Variants in PAPPA2 observed in about 807,000 individuals in gnomAD.
PAPPA2 encodes the protein pappalysin 2.
A neutral mutation model predicts 176.4 loss-of-function variants in PAPPA2; 86 were observed. The observed-to-expected ratio is 0.49, with a 90% CI of 0.41 to 0.58. PAPPA2 has a LOEUF of 0.58. Ranked by LOEUF, PAPPA2 falls within the 20% of genes least tolerant of loss-of-function variation. The pLI is 0.00. For synonymous variants in PAPPA2, 809 were observed against 852.2 expected, an observed-to-expected ratio of 0.95 and a Z score of 0.88; for missense variants, 2,073 against 2,256.9, an observed-to-expected ratio of 0.92 and a Z score of 1.65.
chr1:176,657,431 A>G (rs1658094564), intron 3 of PAPPA2, among the ~76,000 whole-genome samples: 1 of 151,990 alleles, frequency 6.6e-6, no homozygotes, highest in Non-Finnish European at 1.5e-5. Context: ...TAAAGCAGAG[A>G]AGGAACATGA....
chr1:176,747,203 A>T (rs1027849074), intron 14 of PAPPA2, among the ~76,000 whole-genome samples: 1 of 152,192 alleles, frequency 6.6e-6, no homozygotes, highest in Non-Finnish European at 1.5e-5. Context: ...CAAAAGTTTA[A>T]CTAGCCCTGG....
chr1:176,661,570 C>T (rs1206516539), intron 3 of PAPPA2, among the ~76,000 whole-genome samples: 3 of 150,318 alleles, frequency 2.0e-5, no homozygotes, highest in Non-Finnish European at 3.0e-5. Context: ...GGGTTTGCCC[C>T]GTAGCTTGTT....
Position 176,789,945 on chromosome 1 carries a change from T to C in PAPPA2, c.4852T>C (p.Cys1618Arg). 6.2e-7 allele frequency: 1 copy of C among 1,614,154 alleles called. No individual in the cohort carries two copies. The highest frequency in any genetic ancestry group is 2.2e-5 in the East Asian group (1 of 44,884). The change falls in exon 18 of 23, where the codon TGT becomes CGT. Residue 1618 changes from cysteine (C) to arginine (R), a missense_variant. Physicochemically the swap from Cys to Arg is radical, Grantham distance 180. Around this residue, in one of 4 missense-constraint regions of PAPPA2, gnomAD observed 846 missense variants for 857.9 expected, o/e 0.99. Coordinates refer to ENST00000367662, the MANE Select transcript of PAPPA2 (RefSeq NM_020318.3). Reference sequence around the variant, plus strand: ...CAATGGCTTCAGCCTGGACAGCCAGTGTGTGCTCAACTGTAACCAGGAACG... The same window carrying C: ...CAATGGCTTCAGCCTGGACAGCCAGCGTGTGCTCAACTGTAACCAGGAACG... ...CTNGFSLDSQ[C>R]VLNCNQEREK...
In PAPPA2 at chr1:176,710,028, A is replaced by G; in HGVS notation, c.3503A>G (p.Glu1168Gly). The G allele has an allele frequency of 5.0e-6, 8 of 1,613,552 alleles. No homozygotes were observed. The highest frequency in any genetic ancestry group is 6.8e-6 in the Non-Finnish European group (8 of 1,179,642). The change falls in exon 11 of 23, where the codon GAA becomes GGA. Residue 1168 changes from glutamate to glycine, a missense_variant. By Grantham distance (98) the Glu-to-Gly change is moderately conservative (BLOSUM62 -2). Around this residue, in one of 4 missense-constraint regions of PAPPA2, gnomAD observed 846 missense variants for 857.9 expected, o/e 0.99. Transcript: ENST00000367662. ...CYMYEGDGIC[E>G]PFERKTSIVD... ...ATGTATGAGGGAGATGGCATATGTG[A>G]ACCTTTTGAGAGAAAAACCAGCATT...
In PAPPA2 at chr1:176,701,051, TACAC is replaced by T. The variant is rs374838543; in HGVS notation, c.3236+1486_3236+1489del. On this transcript the variant is annotated intron_variant, in intron 8 of 22. Transcript: ENST00000367662. The stretch of plus-strand genomic sequence containing the variant: ...ATCTAATTTGCTACACACACACACA[TACAC>T]ACACACACACACACACACACACATG... Among the ~76,000 whole-genome samples, 377 of 148,330 alleles carry T rather than the reference TACAC, an allele frequency of 2.5e-3. 2 individuals are homozygous for T. The highest frequency in any genetic ancestry group is 0.014 in the Middle Eastern group (4 of 290).
intron 22 of PAPPA2, 86 bp from the exon 23 acceptor site, chr1:176,842,294 G>A (rs1386270363): frequency 2.4e-6 from 3 of 1,244,726 alleles, no homozygotes; most frequent in Non-Finnish European, 3.5e-6. Context: ...GTTCCTCTGG[G>A]ACCAAGTGAG....
At chr1:176,696,013 T>G (rs1251739105) in intron 7 of PAPPA2, among the ~76,000 whole-genome samples, 154 bp downstream of exon 7, 1 of 149,900 alleles carries the variant, frequency 6.7e-6, no homozygotes, top group African/African-American at 2.5e-5. Flanking sequence ...TGTGTTTTGC[T>G]GGATATCTTT....
At chr1:176,680,328 CTG>C (rs1438013637) in intron 4 of PAPPA2, among the ~76,000 whole-genome samples, 1 of 151,830 alleles carries the variant, frequency 6.6e-6, no homozygotes, top group Admixed American at 6.6e-5. Flanking sequence ...TTTTTTGTCT[CTG>C]TAAATTTGTG....
At chr1:176,569,391 A>G (rs1036956247) in intron 2 of PAPPA2, among the ~76,000 whole-genome samples, 4 of 152,148 alleles carry the variant, frequency 2.6e-5, no homozygotes, top group Non-Finnish European at 5.9e-5. Flanking sequence ...TTAACCCCCT[A>G]GATTTTTAGT....
chr1:176,574,857 C>A (rs1484682890), intron 2 of PAPPA2, among the ~76,000 whole-genome samples: 1 of 152,160 alleles, frequency 6.6e-6, no homozygotes. Context: ...TACACAAATA[C>A]CATTTGTTTT....
chr1:176,695,932 T>C (rs917976012), intron 7 of PAPPA2, 73 bp downstream of exon 7: 1 of 1,571,404 alleles, frequency 6.4e-7, no homozygotes, highest in African/African-American at 1.4e-5. Flanking sequence ...AAGAGTGGAG[T>C]AGTGACATGG....
At chr1:176,629,584 A>C (rs912655818) in intron 3 of PAPPA2, among the ~76,000 whole-genome samples, 5 of 152,210 alleles carry the variant, frequency 3.3e-5, no homozygotes, top group African/African-American at 1.2e-4. Context: ...TGAGCAGGTA[A>C]TAAAGAAAGG....
chr1:176,642,212 A>G (rs986505939), intron 3 of PAPPA2, among the ~76,000 whole-genome samples: 10 of 151,952 alleles, frequency 6.6e-5, no homozygotes, highest in Admixed American at 5.9e-4. Context: ...TTAGTTGTCT[A>G]TGACTTATTT....
At chr1:176,510,810 T>TACACACACACAC (rs200808228) in intron 1 of PAPPA2, among the ~76,000 whole-genome samples, 1,894 of 126,518 alleles carry the variant, frequency 0.015, 48 homozygotes, top group African/African-American at 0.043. Context: ...AAGCAACACA[T>TACACACACACAC]ACACACACAC....
At chr1:176,806,982 C>T (rs1451775356) in intron 21 of PAPPA2, among the ~76,000 whole-genome samples, 2 of 152,154 alleles carry the variant, frequency 1.3e-5, no homozygotes, top group African/African-American at 4.8e-5. Context: ...CCTTGACTTT[C>T]ATTTCAAGAC....
At chr1:176,698,999 A>G (rs374272415) in intron 7 of PAPPA2, 101 bp from the exon 8 acceptor site, 2 of 1,413,052 alleles carry the variant, frequency 1.4e-6, no homozygotes, top group Non-Finnish European at 1.9e-6. Context: ...AGGAATTCTA[A>G]AAGTTCTCTC....
chr1:176,612,130 A>T (rs1654961779), intron 3 of PAPPA2, among the ~76,000 whole-genome samples: 1 of 152,192 alleles, frequency 6.6e-6, no homozygotes, highest in South Asian at 2.1e-4. Context: ...GTGGTGGCTC[A>T]TGCCTTTAAT....
At chr1:176,607,044 T>C (rs1654655981) in intron 3 of PAPPA2, among the ~76,000 whole-genome samples, 1 of 152,066 alleles carries the variant, frequency 6.6e-6, no homozygotes, top group Non-Finnish European at 1.5e-5. Flanking sequence ...GATATATATG[T>C]TTTATTTTTA....
At chr1:176,706,137 C>G (rs10798476) in intron 9 of PAPPA2, among the ~76,000 whole-genome samples, 2 of 152,010 alleles carry the variant, frequency 1.3e-5, no homozygotes, top group African/African-American at 4.8e-5. Context: ...TTCCCACAAC[C>G]CACTGGACAT....
Sources: gnomAD v4.1 joint callset for allele counts (sites outside exome capture counted in the v4.1 genomes callset) on GRCh38, gnomAD v4.1.1 for gene constraint, gnomAD v4.1.1 regional missense constraint, MANE v1.5 for transcripts, NCBI Gene and HGNC (gene_info 2026-07-23, HGNC 2026-07-21) for gene names.